The following DGKI variants were observed in gnomAD, a reference collection of about 807,000 sequenced individuals.
DGKI encodes the protein DAG kinase iota.
In DGKI, 55 loss-of-function variants were observed where a neutral mutation model predicts 147.5. The observed-to-expected ratio is 0.37, with a 90% CI of 0.30 to 0.47. DGKI has a LOEUF of 0.47. Among genes scored for constraint, DGKI ranks in the 20% least tolerant of loss-of-function variants. The pLI is 1.00. For synonymous variants in DGKI, 469 were observed against 477.1 expected (o/e 0.98, Z 0.22); for missense variants, 1,007 against 1,323.8 (o/e 0.76, Z 3.71).
chr7:137,713,475 G>A (rs1177153740), intron 1 of DGKI, among the ~76,000 whole-genome samples: 1 of 152,132 alleles, frequency 6.6e-6, no homozygotes, highest in Non-Finnish European at 1.5e-5. Flanking sequence ...TCCAATAAAT[G>A]AAATGAGACA....
At chr7:137,584,277 A>G (rs1563097670) in intron 14 of DGKI, among the ~76,000 whole-genome samples, 2 of 152,158 alleles carry the variant, frequency 1.3e-5, no homozygotes, top group East Asian at 1.9e-4. Flanking sequence ...ACACCTGGAG[A>G]TTCTTACACA....
At chr7:137,827,507 C>T (rs923270239) in intron 1 of DGKI, among the ~76,000 whole-genome samples, 7 of 152,196 alleles carry the variant, frequency 4.6e-5, no homozygotes, top group African/African-American at 1.7e-4. Flanking sequence ...TACTCTCCCT[C>T]CTTGTGTCCC....
chr7:137,735,731 C>T (rs1369080127), intron 1 of DGKI, among the ~76,000 whole-genome samples: 2 of 152,042 alleles, frequency 1.3e-5, no homozygotes, highest in Non-Finnish European at 2.9e-5. Context: ...AGAAAGGAAG[C>T]AAAACCTCAA....
At chr7:137,739,710 C>T (rs1043089589) in intron 1 of DGKI, among the ~76,000 whole-genome samples, 18 of 152,164 alleles carry the variant, frequency 1.2e-4, no homozygotes, top group Non-Finnish European at 1.8e-4. Context: ...AAGTGCTACA[C>T]GCATGTGTAC....
chr7:137,614,594 T>C (rs1290101550), intron 8 of DGKI, among the ~76,000 whole-genome samples: 1 of 152,148 alleles, frequency 6.6e-6, no homozygotes. Context: ...TTATTTAAAA[T>C]CATCTATCTT....
chr7:137,562,377 A>G (rs1402791964), intron 19 of DGKI, among the ~76,000 whole-genome samples: 1 of 152,202 alleles, frequency 6.6e-6, no homozygotes, highest in Non-Finnish European at 1.5e-5. Context: ...CTCTACTAAA[A>G]ATACAAAAAT....
chr7:137,548,469 A>C (rs1303537217), intron 20 of DGKI, among the ~76,000 whole-genome samples: 1 of 152,022 alleles, frequency 6.6e-6, no homozygotes, highest in East Asian at 1.9e-4. Flanking sequence ...CTCTGAGTTC[A>C]TGTGAGAATT....
intron 8 of DGKI, among the ~76,000 whole-genome samples, chr7:137,610,071 A>C (rs746566496): frequency 6.8e-6 from 1 of 147,260 alleles, no homozygotes; most frequent in Non-Finnish European, 1.5e-5. Context: ...TTTTTTTCTT[A>C]GTTTACTCTT....
chr7:137,446,895 G>A (rs781057892), intron 27 of DGKI, among the ~76,000 whole-genome samples: 4 of 152,094 alleles, frequency 2.6e-5, no homozygotes, highest in Non-Finnish European at 4.4e-5. Context: ...AAAGCCCTCT[G>A]GTTATTCTTT....
rs139910514 is a variant in DGKI at position 137,473,421 on chromosome 7, T to G, written c.2374-3802A>C. Among the ~76,000 whole-genome samples, 30 of 152,292 alleles carry G rather than the reference T, an allele frequency of 2.0e-4. No individual in the cohort carries two copies. In the East Asian group the frequency reaches 5.4e-3, roughly 27 times the overall value. ...CCAAAATTGTATGCCAGATTTGGTA[T>G]GTCTATGTGTATGTTCATTTTCCTG... On this transcript the variant is annotated intron_variant, in intron 23 of 32. Transcript: ENST00000614521.
chr7:137,757,919 C>T (rs1795738038), intron 1 of DGKI, among the ~76,000 whole-genome samples: 1 of 152,232 alleles, frequency 6.6e-6, no homozygotes, highest in Admixed American at 6.5e-5. Context: ...AATCGTAACA[C>T]TCTTTCCAAC....
intron 1 of DGKI, 57 bp from the exon 2 acceptor site, chr7:137,690,059 A>C: frequency 8.0e-4 from 1,070 of 1,342,012 alleles, no homozygotes; most frequent in Non-Finnish European, 1.0e-3. Flanking sequence ...TCAGAATCTC[A>C]TACAGAGCTC....
chr7:137,509,923 G>C (rs1419504832), intron 21 of DGKI, among the ~76,000 whole-genome samples: 3 of 152,014 alleles, frequency 2.0e-5, no homozygotes, highest in African/African-American at 4.8e-5. Flanking sequence ...AAATGGAAAA[G>C]CAGAAATGAG....
chr7:137,466,630 T>C (rs565449548), intron 25 of DGKI, among the ~76,000 whole-genome samples: 7 of 152,294 alleles, frequency 4.6e-5, no homozygotes, highest in Non-Finnish European at 1.5e-5. Context: ...AAAATATCTT[T>C]GTGAATGAAA....
chr7:137,689,481 T>A lies in DGKI; in HGVS notation c.510+413A>T, dbSNP rs1823531306. Among the ~76,000 whole-genome samples, 3 of 152,218 alleles carry A rather than the reference T, an allele frequency of 2.0e-5. No individual in the cohort carries two copies. The South Asian group carries it at 6.2e-4, about 32-fold the overall frequency. ...AGGAAGGAAAAGCAATAGAATGACA[T>A]GAAGTGCCTGTAATCCTCTGGGAAA... On this transcript the variant is annotated intron_variant, in intron 2 of 32. Coordinates refer to ENST00000614521, the MANE Select transcript of DGKI (RefSeq NM_001321708.2).
chr7:137,614,117 A>T (rs905018941), intron 8 of DGKI, among the ~76,000 whole-genome samples: 5 of 152,162 alleles, frequency 3.3e-5, no homozygotes, highest in African/African-American at 9.6e-5. Flanking sequence ...CATTCTTTCA[A>T]AGAAACCAGC....
At chr7:137,591,905 T>TGC (rs1206109870) in intron 12 of DGKI, among the ~76,000 whole-genome samples, 1 of 152,194 alleles carries the variant, frequency 6.6e-6, no homozygotes, top group Non-Finnish European at 1.5e-5. Flanking sequence ...CACCTTCAGC[T>TGC]GCCATCAAAT....
chr7:137,824,263 T>G (rs1408523261), intron 1 of DGKI, among the ~76,000 whole-genome samples: 1 of 152,176 alleles, frequency 6.6e-6, no homozygotes, highest in Admixed American at 6.5e-5. Context: ...ACGCCTATAA[T>G]CCCAGCACTT....
intron 1 of DGKI, among the ~76,000 whole-genome samples, chr7:137,803,951 T>A (rs1797287762): frequency 6.6e-6 from 1 of 152,220 alleles, no homozygotes; most frequent in South Asian, 2.1e-4. Flanking sequence ...TCTGAAAATA[T>A]AAGCTAACAA....
Sources: gnomAD v4.1 joint callset for allele counts (sites outside exome capture counted in the v4.1 genomes callset) on GRCh38, gnomAD v4.1.1 for gene constraint, MANE v1.5 for transcripts, NCBI Gene and HGNC (gene_info 2026-07-23, HGNC 2026-07-21) for gene names.